The following EIF3I variants were observed in gnomAD, a reference collection of about 807,000 sequenced individuals.
EIF3I encodes the protein eukaryotic translation initiation factor 3 subunit I, also known as TGF-beta receptor-interacting protein 1.
Under a neutral mutation model 43.3 loss-of-function variants are expected in EIF3I, and 20 were observed. The observed-to-expected ratio is 0.46, with a 90% CI of 0.32 to 0.67. EIF3I has a LOEUF of 0.67. EIF3I is among the 30% of genes least tolerant of loss of function. The pLI is 0.03. For synonymous variants in EIF3I, 167 were observed against 151.7 expected (o/e 1.10, Z -0.74); for missense variants, 279 against 421.4 (o/e 0.66, Z 2.96).
At chr1:32,226,628 G>A (rs560248893) in intron 6 of EIF3I, 98 bp downstream of exon 6, 30 of 1,245,280 alleles carry the variant, frequency 2.4e-5, no homozygotes, top group African/African-American at 1.1e-4. Context: ...GTGCAGTGGC[G>A]CCATCTCGGC....
Position 32,224,394 on chromosome 1 carries a change from C to A in EIF3I, c.185-16C>A, listed in dbSNP as rs1268774340. ...GGCTCGGGTGAACTTCGTCATATTT[C>A]TTAACAACTCTTCAGGGGACACCAA... On this transcript the variant is annotated splice_polypyrimidine_tract_variant and intron_variant, in intron 3 of 11. Coordinates refer to ENST00000676679, the Ensembl canonical transcript of EIF3I. 6.2e-7 allele frequency: 1 copy of A among 1,612,092 alleles called. No individual in the cohort carries two copies. Among genetic ancestry groups the A allele is most frequent in the East Asian group, 2.2e-5 (1 of 44,878 alleles).
chr1:32,232,979 T>C (rs940751049), downstream of EIF3I, among the ~76,000 whole-genome samples: 1 of 152,118 alleles, frequency 6.6e-6, no homozygotes, highest in Admixed American at 6.6e-5. Context: ...AAAATACCAC[T>C]TCTTTTATTT....
At position 32,226,072 on chromosome 1, in the gene EIF3I, T is replaced by G. The variant is rs1031203110; in HGVS notation, c.251-99T>G. On this transcript the variant is annotated intron_variant, in intron 4 of 11. Coordinates refer to ENST00000676679, the Ensembl canonical transcript of EIF3I. ...AAAATACTTTTTAAGTTTGGGTCAC[T>G]GGAGCAAGACAAACAGTGAGATGTG... is the stretch of plus-strand genomic sequence containing the variant. 4.8e-6 allele frequency: 7 copies of G among 1,466,856 alleles called. No homozygotes were observed. The Admixed American group carries it at 1.6e-4, about 33-fold the overall frequency. 90.9% of individuals were successfully genotyped at this position (1,466,856 alleles called of 1,614,324 possible).
chr1:32,227,146 C>G (rs901648103), intron 6 of EIF3I, among the ~76,000 whole-genome samples: 2 of 151,428 alleles, frequency 1.3e-5, no homozygotes, highest in Non-Finnish European at 2.9e-5. Flanking sequence ...TATGCTGTGG[C>G]TCACATCTGT....
intron 2 of EIF3I, 44 bp downstream of exon 2, chr1:32,222,674 T>G: frequency 1.3e-6 from 2 of 1,588,022 alleles, no homozygotes; most frequent in Non-Finnish European, 1.7e-6. Flanking sequence ...GGGATCCTTC[T>G]GCCAGGACGA....
At chr1:32,231,214 C>A in exon 12 of EIF3I, 1 of 1,612,192 alleles carries the variant, frequency 6.2e-7, no homozygotes, top group South Asian at 1.1e-5. Flanking sequence ...GATCTCCTGC[C>A]GGGCGTGGTG....
Position 32,230,448 on chromosome 1 carries a change from C to T in EIF3I, c.914+72C>T, listed in dbSNP as rs138477039. ...TGTTGGCCAGGCTGGTCTCAAACTC[C>T]TGGCCTCAAGTGATCCACCCGCCTC... On this transcript the variant is annotated intron_variant, in intron 10 of 11. Transcript: ENST00000676679. 7.5e-3 allele frequency among the ~76,000 whole-genome samples: 1,136 copies of T among 152,136 alleles called. 22 individuals carry two copies. Among genetic ancestry groups the T allele is most frequent in the African/African-American group, 0.026 (1,090 of 41,534 alleles).
intron 3 of EIF3I, 26 bp from the exon 4 acceptor site, chr1:32,224,384 C>A (rs768670755): frequency 2.5e-6 from 4 of 1,605,208 alleles, no homozygotes; most frequent in Non-Finnish European, 3.4e-6. Flanking sequence ...GGGTGAACTT[C>A]GTCATATTTC....
intron 2 of EIF3I, 80 bp from the exon 3 acceptor site, chr1:32,223,954 C>T: frequency 7.9e-7 from 1 of 1,262,284 alleles, no homozygotes; most frequent in Non-Finnish European, 1.2e-6. Flanking sequence ...TTGCTACAGG[C>T]TGCTGAGGGT....
chr1:32,231,266 G>T, exon 12 of EIF3I: 1 of 1,424,838 alleles, frequency 7.0e-7, no homozygotes, highest in Non-Finnish European at 9.8e-7. Flanking sequence ...TAAGGCAGGC[G>T]GATCACCTGA....
chr1:32,228,680 C>T, intron 7 of EIF3I, 47 bp from the exon 8 acceptor site: 1 of 1,604,524 alleles, frequency 6.2e-7, no homozygotes, highest in African/African-American at 1.3e-5. Flanking sequence ...GCCCGACTTC[C>T]CCCAGGAAAG....
intron 3 of EIF3I, 82 bp downstream of exon 3, chr1:32,224,203 G>T (rs554857406): frequency 8.5e-6 from 12 of 1,413,886 alleles, no homozygotes; most frequent in Admixed American, 1.7e-5. Flanking sequence ...GGAGTTGGGG[G>T]TGCTGTTGAG....
downstream of EIF3I, chr1:32,234,453 G>C (rs536610076): frequency 6.6e-6 from 1 of 152,636 alleles, no homozygotes; most frequent in African/African-American, 2.4e-5. Flanking sequence ...AGGCATAGGC[G>C]TGCCCAAACA....
intron 2 of EIF3I, 27 bp from the exon 3 acceptor site, chr1:32,224,007 T>C: frequency 1.2e-6 from 2 of 1,611,006 alleles, no homozygotes; most frequent in Non-Finnish European, 1.7e-6. Context: ...CTGGGATGTG[T>C]ACTATCCTGT....
exon 7 of EIF3I, chr1:32,228,585 C>T (rs1429889959): frequency 1.2e-5 from 20 of 1,614,178 alleles, no homozygotes; most frequent in Middle Eastern, 1.6e-4. Flanking sequence ...TGTTTGTGAC[C>T]GCGTCCAAGG....
Position 32,224,492 on chromosome 1 carries a change from C to A in EIF3I, c.250+17C>A. Reference sequence around the variant, plus strand: ...GTGAAACAGGTAAGCTGGGTTCATTCACCTTTTTAGCAAATATTGAGGACC... The same window carrying A: ...GTGAAACAGGTAAGCTGGGTTCATTAACCTTTTTAGCAAATATTGAGGACC... On this transcript the variant is annotated intron_variant, in intron 4 of 11. Transcript: ENST00000676679. 1 of 1,608,922 alleles carries A rather than the reference C, an allele frequency of 6.2e-7. No individual in the cohort carries two copies. Among genetic ancestry groups the A allele is most frequent in the Non-Finnish European group, 8.5e-7 (1 of 1,176,286 alleles).
exon 1 of EIF3I, chr1:32,222,426 T>C (rs2124253490): frequency 1.3e-6 from 2 of 1,595,074 alleles, no homozygotes; most frequent in Middle Eastern, 1.7e-4. Flanking sequence ...GCGGCCTTCC[T>C]CGCGTCACAG....
intron 2 of EIF3I, among the ~76,000 whole-genome samples, chr1:32,223,831 C>T (rs575641041): frequency 6.6e-5 from 10 of 152,174 alleles, no homozygotes; most frequent in African/African-American, 1.7e-4. Context: ...CTTTACAAGC[C>T]GCCTGACTCC....
Position 32,228,780 on chromosome 1 carries a change from T to C in EIF3I, c.693T>C (p.Pro231=). Residue 231 remains proline, a synonymous_variant, in exon 8 of 12, where the codon CCT becomes CCC. Transcript: ENST00000676679. ...AGAAGACTTTCCGGACAGAACGTCC[T>C]GTCAACTCAGCTGCCCTCTCCCCCA... is the stretch of plus-strand genomic sequence containing the variant. 1.9e-6 allele frequency: 3 copies of C among 1,614,172 alleles called. No homozygotes were observed. The South Asian group carries it at 3.3e-5, about 18-fold the overall frequency.
Sources: allele counts gnomAD v4.1 joint callset (sites outside exome capture counted in the v4.1 genomes callset), GRCh38; gene constraint gnomAD v4.1.1; transcripts MANE v1.5; gene names NCBI Gene and HGNC (gene_info 2026-07-23, HGNC 2026-07-21).